Variants in GRIK2 observed in about 807,000 individuals in gnomAD.
The protein encoded by GRIK2 is glutamate ionotropic receptor kainate type subunit 2.
A neutral mutation model predicts 100.3 loss-of-function variants in GRIK2; 32 were observed. The ratio of observed to expected loss-of-function variants is 0.32; its 90% CI spans 0.24 to 0.43. The LOEUF (loss-of-function observed/expected upper bound fraction) is 0.43, where lower values mean the gene tolerates loss of function less well. Ranked by LOEUF, GRIK2 falls within the 20% of genes least tolerant of loss-of-function variation. The probability of loss-of-function intolerance (pLI) is 1.00; values close to 1 mark genes in which losing one functional copy is unlikely to be tolerated. For missense variants in GRIK2, 843 were observed against 1,114.9 expected (o/e 0.76, Z 3.47); for synonymous variants, 417 against 389.4 (o/e 1.07, Z -0.83).
chr6:101,735,496 G>A, intron 7 of GRIK2, among the ~76,000 whole-genome samples: 1 of 152,172 alleles, frequency 6.6e-6, no homozygotes, highest in East Asian at 1.9e-4. Context: ...TCACAATCAT[G>A]GCAGAAGGCA....
At chr6:101,444,963 A>G (rs1360169183) in intron 2 of GRIK2, among the ~76,000 whole-genome samples, 4 of 151,970 alleles carry the variant, frequency 2.6e-5, no homozygotes, top group Non-Finnish European at 4.4e-5. Flanking sequence ...GGACCAATCT[A>G]ATCTTAGATT....
intron 10 of GRIK2, among the ~76,000 whole-genome samples, chr6:101,853,551 A>T (rs1299972867): frequency 6.6e-6 from 1 of 152,088 alleles, no homozygotes; most frequent in Non-Finnish European, 1.5e-5. Context: ...AACTAAGCAT[A>T]CTCTTACCAT....
At chr6:101,648,502 A>T (rs1232628459) in intron 4 of GRIK2, among the ~76,000 whole-genome samples, 1 of 152,106 alleles carries the variant, frequency 6.6e-6, no homozygotes, top group Admixed American at 6.6e-5. Context: ...TTCCTAAGTT[A>T]TCATGGTTTC....
chr6:101,750,822 T>C (rs906604718), intron 7 of GRIK2, among the ~76,000 whole-genome samples: 1 of 152,200 alleles, frequency 6.6e-6, no homozygotes, highest in African/African-American at 2.4e-5. Context: ...TAATAGACTT[T>C]CCATGTTCTT....
chr6:101,966,614 T>C (rs979506701), intron 14 of GRIK2, among the ~76,000 whole-genome samples: 1 of 152,084 alleles, frequency 6.6e-6, no homozygotes, highest in Non-Finnish European at 1.5e-5. Flanking sequence ...CTGTGATAGG[T>C]GCTCAAGAAA....
chr6:101,418,634 G>A (rs1776270446), intron 2 of GRIK2, among the ~76,000 whole-genome samples: 1 of 152,138 alleles, frequency 6.6e-6, no homozygotes, highest in African/African-American at 2.4e-5. Flanking sequence ...CTGTGAGGGT[G>A]ATAGTTAGGC....
chr6:101,943,713 T>A (rs1358383573), intron 14 of GRIK2, among the ~76,000 whole-genome samples: 1 of 152,228 alleles, frequency 6.6e-6, no homozygotes, highest in African/African-American at 2.4e-5. Flanking sequence ...AGTTTTTCCC[T>A]GTTGCAATGG....
At chr6:101,652,167 A>G (rs535106736) in intron 4 of GRIK2, among the ~76,000 whole-genome samples, 10 of 152,274 alleles carry the variant, frequency 6.6e-5, no homozygotes, top group African/African-American at 2.4e-4. Flanking sequence ...GCAGTCCACC[A>G]GATGTTTGTG....
At chr6:101,760,370 ATTTATTATATATAAT>A (rs1253839394) in intron 7 of GRIK2, among the ~76,000 whole-genome samples, 1,871 of 85,540 alleles carry the variant, frequency 0.022, 175 homozygotes, top group Non-Finnish European at 0.022. Flanking sequence ...TTAATTATAT[ATTTATTATATATAAT>A]TAATTATATT....
intron 2 of GRIK2, among the ~76,000 whole-genome samples, chr6:101,546,613 G>A (rs950432367): frequency 1.3e-5 from 2 of 152,036 alleles, no homozygotes; most frequent in South Asian, 2.1e-4. Flanking sequence ...TACCACACAA[G>A]AGTGTTGCAT....
intron 10 of GRIK2, among the ~76,000 whole-genome samples, chr6:101,846,720 T>G (rs1477050747): frequency 6.6e-6 from 1 of 152,084 alleles, no homozygotes; most frequent in Admixed American, 6.6e-5. Context: ...TTTTTATTTC[T>G]ATTTGAGGAA....
intron 14 of GRIK2, among the ~76,000 whole-genome samples, chr6:101,997,746 T>C (rs1240134437): frequency 6.6e-6 from 1 of 151,918 alleles, no homozygotes; most frequent in Non-Finnish European, 1.5e-5. Context: ...AATTACATTC[T>C]ATTGATTTTT....
intron 14 of GRIK2, among the ~76,000 whole-genome samples, chr6:101,982,823 T>C: frequency 6.6e-6 from 1 of 151,712 alleles, no homozygotes; most frequent in East Asian, 2.0e-4. Context: ...ACAGGATGAA[T>C]GGCATCTCAT....
intron 11 of GRIK2, among the ~76,000 whole-genome samples, chr6:101,888,399 T>A (rs979638920): frequency 2.6e-5 from 4 of 152,230 alleles, no homozygotes; most frequent in African/African-American, 9.6e-5. Flanking sequence ...CTTAACATAG[T>A]GCTGTTGTAC....
chr6:101,404,007 A>G lies in GRIK2; in HGVS notation c.115+4615A>G, dbSNP rs114506490. Among the ~76,000 whole-genome samples the G allele has an allele frequency of 9.9e-3, 1,507 of 152,322 alleles. 35 individuals carry two copies. Among genetic ancestry groups the G allele is most frequent in the African/African-American group, 0.034 (1,426 of 41,588 alleles). The stretch of plus-strand genomic sequence containing the variant: ...AGAGGCACAATCATTTCAGAAAATG[A>G]CTTTGAAAAATGATCTTTTTGTCTT... On this transcript the variant is annotated intron_variant, in intron 2 of 16. Coordinates refer to ENST00000369134, the MANE Select transcript of GRIK2 (RefSeq NM_021956.5).
At chr6:101,801,240 T>G (rs549455896) in intron 8 of GRIK2, among the ~76,000 whole-genome samples, 1 of 152,098 alleles carries the variant, frequency 6.6e-6, no homozygotes, top group African/African-American at 2.4e-5. Context: ...ACTTTTATAC[T>G]ATTGTCCATT....
chr6:101,635,092 AATTTCC>A (rs550285333), intron 4 of GRIK2, among the ~76,000 whole-genome samples: 179 of 152,142 alleles, frequency 1.2e-3, no homozygotes, highest in African/African-American at 4.1e-3. Context: ...ACAATCAAAT[AATTTCC>A]ATTTTATTTT....
At chr6:101,460,071 C>T (rs1446587596) in intron 2 of GRIK2, among the ~76,000 whole-genome samples, 1 of 152,150 alleles carries the variant, frequency 6.6e-6, no homozygotes, top group Non-Finnish European at 1.5e-5. Context: ...ATCTGTTGCT[C>T]TTATCCACAA....
chr6:101,726,004 A>G (rs568936854), intron 7 of GRIK2, among the ~76,000 whole-genome samples: 2 of 151,980 alleles, frequency 1.3e-5, no homozygotes, highest in Non-Finnish European at 2.9e-5. Flanking sequence ...TAATAAAAAT[A>G]TCTAAATCTT....
Sources: gnomAD v4.1 joint callset for allele counts (sites outside exome capture counted in the v4.1 genomes callset) on GRCh38, gnomAD v4.1.1 for gene constraint, MANE v1.5 for transcripts, NCBI Gene and HGNC (gene_info 2026-07-23, HGNC 2026-07-21) for gene names.